The following LRRC4C variants were observed in gnomAD, a reference collection of about 807,000 sequenced individuals.
LRRC4C encodes leucine rich repeat containing 4C.
LRRC4C carries 5 observed loss-of-function variants against 33.6 expected under a neutral mutation model. The ratio of observed to expected loss-of-function variants is 0.15; its 90% CI spans 0.08 to 0.31. The LOEUF is 0.31. LRRC4C is among the 10% of genes least tolerant of loss of function. LRRC4C has a pLI of 1.00. For missense variants in LRRC4C, 560 were observed against 796.7 expected, an observed-to-expected ratio of 0.70 and a Z score of 3.58; for synonymous variants, 329 against 302.0, an observed-to-expected ratio of 1.09 and a Z score of -0.93.
Position 41,203,080 on chromosome 11 carries a change from C to T in LRRC4C, c.-496+256351G>A, listed in dbSNP as rs561605363. ...GGATAACAGGCGTGAGCCACTGTGC[C>T]CGGTCAAAAACTGATTTCTTTCTTC... On this transcript the variant is annotated intron_variant, in intron 1 of 6. Transcript: ENST00000528697. Among the ~76,000 whole-genome samples the T allele has an allele frequency of 1.3e-3, 192 of 152,296 alleles. 1 individual carries two copies. The highest frequency in any genetic ancestry group is 6.8e-3 in the Middle Eastern group (2 of 294).
At chr11:40,343,648 A>G (rs957276925) in intron 3 of LRRC4C, among the ~76,000 whole-genome samples, 1 of 144,310 alleles carries the variant, frequency 6.9e-6, no homozygotes, top group African/African-American at 2.5e-5. Context: ...ATATATAAAG[A>G]TCTCTAAATT....
chr11:40,392,868 G>A (rs1800746565), intron 3 of LRRC4C, among the ~76,000 whole-genome samples: 1 of 151,862 alleles, frequency 6.6e-6, no homozygotes, highest in Non-Finnish European at 1.5e-5. Flanking sequence ...AATATTTGCT[G>A]AGTGCTCGCG....
In LRRC4C at chr11:40,115,593, T is replaced by A; in HGVS notation, c.700A>T (p.Ile234Phe). The change falls in exon 7 of 7, where the codon ATC (isoleucine) becomes TTC (phenylalanine). Residue 234 changes from isoleucine (I) to phenylalanine (F), a missense_variant. Physicochemically the swap from Ile to Phe is conservative, Grantham distance 21 (BLOSUM62 0). This residue lies in a region of LRRC4C where 455 missense variants were observed against 643.8 expected (regional missense o/e 0.71). Coordinates refer to ENST00000528697, the MANE Select transcript of LRRC4C (RefSeq NM_001258419.2). This position sits in a 1 kb window ranked among gnomAD's most constrained non-coding sequence, Gnocchi z 6.7. ...AAACCCTGGAAAGAGCCAGGCCTGA[T>A]GGCAGATAAATGATTCCCAGAAAGA... ...LDLSGNHLSA[I>F]RPGSFQGLMH... The A allele has an allele frequency of 6.2e-7, 1 of 1,614,208 alleles. No individual in the cohort carries two copies. The highest frequency in any genetic ancestry group is 8.5e-7 in the Non-Finnish European group (1 of 1,180,032).
intron 1 of LRRC4C, among the ~76,000 whole-genome samples, chr11:41,332,199 C>T (rs761020746): frequency 4.5e-4 from 69 of 152,200 alleles, no homozygotes; most frequent in Non-Finnish European, 5.7e-4. Context: ...GCCCAAGTTA[C>T]TAGATACCCA....
intron 3 of LRRC4C, among the ~76,000 whole-genome samples, chr11:40,412,765 T>G (rs962201535): frequency 1.3e-5 from 2 of 152,192 alleles, no homozygotes; most frequent in Middle Eastern, 6.8e-3. Flanking sequence ...TGACTTATTT[T>G]GTGATTCTGG....
At chr11:41,356,955 T>TG (rs1952183446) in intron 1 of LRRC4C, among the ~76,000 whole-genome samples, 2 of 152,158 alleles carry the variant, frequency 1.3e-5, no homozygotes, top group Admixed American at 1.3e-4. Context: ...ACAAGAGTGA[T>TG]TCCATAGATT....
intron 3 of LRRC4C, among the ~76,000 whole-genome samples, chr11:40,536,626 A>G (rs1017591305): frequency 3.3e-5 from 5 of 152,186 alleles, no homozygotes; most frequent in African/African-American, 9.6e-5. Flanking sequence ...CCTGGTTTAC[A>G]TAACAGCTTT....
At chr11:40,180,405 C>T (rs965882672) in intron 5 of LRRC4C, among the ~76,000 whole-genome samples, 10 of 152,192 alleles carry the variant, frequency 6.6e-5, no homozygotes, top group Non-Finnish European at 1.3e-4. Context: ...TTGCAAAACC[C>T]CTCCTACCCT....
chr11:40,606,857 G>T (rs1411239886), intron 3 of LRRC4C, among the ~76,000 whole-genome samples: 2 of 152,032 alleles, frequency 1.3e-5, no homozygotes, highest in Non-Finnish European at 1.5e-5. Context: ...TTCATAAAGT[G>T]CAATAGATTC....
intron 1 of LRRC4C, among the ~76,000 whole-genome samples, chr11:41,217,513 A>G (rs1947111827): frequency 1.3e-5 from 2 of 152,224 alleles, no homozygotes; most frequent in South Asian, 4.1e-4. Flanking sequence ...CTAACTTGAG[A>G]AAAAGTATTT....
At chr11:40,225,633 T>TC (rs1864735598) in intron 5 of LRRC4C, among the ~76,000 whole-genome samples, 1 of 151,782 alleles carries the variant, frequency 6.6e-6, no homozygotes, top group Non-Finnish European at 1.5e-5. Context: ...TTTTTTTTTT[T>TC]TGAGACAGAG....
intron 3 of LRRC4C, among the ~76,000 whole-genome samples, chr11:40,468,249 T>C (rs940591827): frequency 6.6e-6 from 1 of 152,206 alleles, no homozygotes; most frequent in East Asian, 1.9e-4. Context: ...GAATTTCCTT[T>C]TAAAAATTGT....
intron 1 of LRRC4C, among the ~76,000 whole-genome samples, chr11:41,019,818 A>G (rs183979297): frequency 6.5e-4 from 99 of 152,156 alleles, no homozygotes; most frequent in Non-Finnish European, 1.1e-3. Flanking sequence ...ATAAATGTCT[A>G]CCTTTGAGAA....
chr11:41,308,338 C>A (rs1196965850), intron 1 of LRRC4C, among the ~76,000 whole-genome samples: 2 of 152,014 alleles, frequency 1.3e-5, no homozygotes, highest in Non-Finnish European at 2.9e-5. Flanking sequence ...ACTAACAGAA[C>A]AACACAGGGC....
intron 3 of LRRC4C, among the ~76,000 whole-genome samples, chr11:40,635,764 G>GT (rs1217824256): frequency 2.0e-5 from 3 of 150,366 alleles, no homozygotes; most frequent in Non-Finnish European, 2.9e-5. Flanking sequence ...AGCCTTCCGA[G>GT]TAGCTGGGAC....
intron 3 of LRRC4C, among the ~76,000 whole-genome samples, chr11:40,401,786 G>T (rs1192154983): frequency 6.6e-6 from 1 of 152,094 alleles, no homozygotes. Flanking sequence ...AGGATGCTGT[G>T]TATAAATTCA....
chr11:40,309,349 T>A (rs770377373), intron 4 of LRRC4C, among the ~76,000 whole-genome samples: 4 of 152,214 alleles, frequency 2.6e-5, no homozygotes, highest in Non-Finnish European at 5.9e-5. Flanking sequence ...CTCAGCATAA[T>A]CTTTTCAAGG....
chr11:41,383,338 G>A (rs990421403), intron 1 of LRRC4C, among the ~76,000 whole-genome samples: 4 of 151,998 alleles, frequency 2.6e-5, no homozygotes, highest in Non-Finnish European at 4.4e-5. Flanking sequence ...ACAACTTTTT[G>A]TTTCTTTAAT....
At chr11:40,618,511 T>C (rs1173465199) in intron 3 of LRRC4C, among the ~76,000 whole-genome samples, 1 of 151,726 alleles carries the variant, frequency 6.6e-6, no homozygotes, top group Non-Finnish European at 1.5e-5. Flanking sequence ...ATTTTTACGG[T>C]ACCCCAAAAA....
Sources: allele counts gnomAD v4.1 joint callset (sites outside exome capture counted in the v4.1 genomes callset), GRCh38; gene constraint gnomAD v4.1.1; regional missense constraint gnomAD v4.1.1; non-coding constraint Gnocchi (gnomAD v3.1); transcripts MANE v1.5; gene names NCBI Gene and HGNC (gene_info 2026-07-23, HGNC 2026-07-21).